The following MEGF11 variants were observed in gnomAD, a reference collection of about 807,000 sequenced individuals.
MEGF11 encodes multiple epidermal growth factor-like domains protein 11.
MEGF11 carries 126 observed loss-of-function variants against 146.6 expected under a neutral mutation model. That is an observed-to-expected ratio of 0.86 (90% CI 0.74 to 1.00). The LOEUF (loss-of-function observed/expected upper bound fraction) is 1.00, where lower values mean the gene tolerates loss of function less well. MEGF11 is among the 50% of genes least tolerant of loss of function. The pLI, the probability that MEGF11 is intolerant of heterozygous loss-of-function variation, is 0.00. For synonymous variants in MEGF11, 532 were observed against 583.4 expected, an observed-to-expected ratio of 0.91 and a Z score of 1.27; for missense variants, 1,509 against 1,521.2, an observed-to-expected ratio of 0.99 and a Z score of 0.13.
intron 5 of MEGF11, among the ~76,000 whole-genome samples, chr15:66,012,922 A>G (rs1299140337): frequency 6.6e-6 from 1 of 152,268 alleles, no homozygotes; most frequent in East Asian, 1.9e-4. Context: ...AGGGCCAGCC[A>G]GCTGGACCGG....
At chr15:65,992,450 T>TGTGTGGA (rs776847440) in intron 5 of MEGF11, among the ~76,000 whole-genome samples, 1 of 126,554 alleles carries the variant, frequency 7.9e-6, no homozygotes, top group African/African-American at 3.1e-5. Flanking sequence ...TGTGTGTGTG[T>TGTGTGGA]GGGGGGGGGG....
intron 1 of MEGF11, among the ~76,000 whole-genome samples, chr15:66,177,223 CTT>C (rs1306169761): frequency 3.3e-5 from 5 of 152,252 alleles, no homozygotes; most frequent in East Asian, 1.9e-4. Flanking sequence ...AAGAAAATAA[CTT>C]TGCTCTGATA....
chr15:66,054,396 T>A (rs1429687338), intron 5 of MEGF11, among the ~76,000 whole-genome samples: 2 of 152,192 alleles, frequency 1.3e-5, no homozygotes, highest in African/African-American at 4.8e-5. Flanking sequence ...CATCTCCACC[T>A]GCCCCCACAG....
intron 1 of MEGF11, among the ~76,000 whole-genome samples, chr15:66,148,449 C>T (rs1286484461): frequency 1.3e-5 from 2 of 152,052 alleles, no homozygotes; most frequent in Non-Finnish European, 2.9e-5. Context: ...CTCCCACTGG[C>T]TGAGATGAGG....
chr15:65,908,451 T>A (rs2078695663), intron 23 of MEGF11, among the ~76,000 whole-genome samples: 1 of 152,186 alleles, frequency 6.6e-6, no homozygotes, highest in Non-Finnish European at 1.5e-5. Context: ...TTTCCAAGTC[T>A]CTTGTGTGTG....
chr15:65,973,320 C>T (rs554366250), intron 7 of MEGF11, among the ~76,000 whole-genome samples: 48 of 152,206 alleles, frequency 3.2e-4, no homozygotes, highest in African/African-American at 1.1e-3. Context: ...AAGAAACTTG[C>T]CTCAAAAACA....
intron 5 of MEGF11, among the ~76,000 whole-genome samples, chr15:65,988,443 A>G (rs187235055): frequency 4.3e-4 from 66 of 152,296 alleles, no homozygotes; most frequent in African/African-American, 1.5e-3. Flanking sequence ...CTGTATCAGG[A>G]CTTCATTCCT....
chr15:66,214,534 A>T (rs1042401659), intron 1 of MEGF11, among the ~76,000 whole-genome samples: 12 of 152,142 alleles, frequency 7.9e-5, no homozygotes, highest in African/African-American at 2.7e-4. Flanking sequence ...GACACAGCAG[A>T]AGAAGAAGGG....
Position 65,896,345 on chromosome 15 carries a change from CATTT to C in MEGF11, c.*1585_*1588del. On this transcript the variant is annotated 3_prime_UTR_variant, in exon 26 of 26. Coordinates refer to ENST00000395614, the MANE Select transcript of MEGF11 (RefSeq NM_001385028.1). ...GTGATGTGGGAAGGGGAGATGTACT[CATTT>C]ATTTATTTTTTTGCTTTTTCTGATT... The C allele has an allele frequency of 6.6e-6, 1 of 152,600 alleles. No individual in the cohort carries two copies. Among genetic ancestry groups the C allele is most frequent in the Non-Finnish European group, 1.5e-5 (1 of 68,046 alleles). The allele number at this position is 152,600 out of a possible 1,614,324, so 9.5% of individuals were successfully genotyped here.
intron 1 of MEGF11, among the ~76,000 whole-genome samples, chr15:66,240,266 C>T (rs771202946): frequency 6.6e-6 from 1 of 152,214 alleles, no homozygotes; most frequent in Admixed American, 6.5e-5. Context: ...GAGATCTTGC[C>T]AACCCTGGAA....
Position 66,024,631 on chromosome 15 carries a change from A to G in MEGF11, c.395-42143T>C, listed in dbSNP as rs1403312468. On this transcript the variant is annotated intron_variant, in intron 5 of 25. Coordinates refer to ENST00000395614, the MANE Select transcript of MEGF11 (RefSeq NM_001385028.1). ...CTGGTGGTGTTGCCCCATCTTGCAG[A>G]TGTGAAAACTGGCTCAGAGAGGTGA... Among the ~76,000 whole-genome samples, 4 of 152,310 alleles carry G rather than the reference A, an allele frequency of 2.6e-5. No homozygotes were observed. The East Asian group carries it at 7.7e-4, about 29-fold the overall frequency.
At chr15:65,942,973 G>GTTT (rs2080056462) in intron 10 of MEGF11, among the ~76,000 whole-genome samples, 1 of 90,930 alleles carries the variant, frequency 1.1e-5, no homozygotes, top group Non-Finnish European at 2.3e-5. Flanking sequence ...AAACAACTTG[G>GTTT]CTTTTTTTTT....
At chr15:66,076,534 A>G (rs1377528097) in intron 5 of MEGF11, among the ~76,000 whole-genome samples, 1 of 152,166 alleles carries the variant, frequency 6.6e-6, no homozygotes, top group Non-Finnish European at 1.5e-5. Flanking sequence ...CAGTTCTGCC[A>G]CTGCCTCTGT....
At chr15:66,245,650 T>A (rs991146794) in intron 1 of MEGF11, among the ~76,000 whole-genome samples, 2 of 151,874 alleles carry the variant, frequency 1.3e-5, no homozygotes, top group African/African-American at 2.4e-5. Flanking sequence ...CCAAAACCAA[T>A]GCTTCAGTGT....
chr15:66,169,378 A>G (rs148495429), intron 1 of MEGF11, among the ~76,000 whole-genome samples: 149 of 152,262 alleles, frequency 9.8e-4, no homozygotes, highest in African/African-American at 3.2e-3. Context: ...GACTCGAGAG[A>G]CTTGGCCGGG....
chr15:66,159,063 T>C (rs776809994), intron 1 of MEGF11, among the ~76,000 whole-genome samples: 5 of 152,232 alleles, frequency 3.3e-5, no homozygotes, highest in South Asian at 2.1e-4. Flanking sequence ...TCCACGTTCC[T>C]GAACTTAGCT....
intron 1 of MEGF11, among the ~76,000 whole-genome samples, chr15:66,213,732 T>C (rs1444717369): frequency 6.6e-6 from 1 of 151,960 alleles, no homozygotes; most frequent in Non-Finnish European, 1.5e-5. Context: ...TTGTTTATTT[T>C]ATTTATTTTT....
intron 5 of MEGF11, among the ~76,000 whole-genome samples, chr15:66,030,174 C>T (rs996680810): frequency 2.6e-5 from 4 of 152,186 alleles, no homozygotes; most frequent in African/African-American, 9.7e-5. Flanking sequence ...ACAGGCCACA[C>T]GTCTGCAACT....
intron 1 of MEGF11, among the ~76,000 whole-genome samples, chr15:66,160,376 T>C (rs2089910313): frequency 6.7e-6 from 1 of 149,290 alleles, no homozygotes; most frequent in Non-Finnish European, 1.5e-5. Context: ...AACAGGAGAG[T>C]CAAAGGAGAT....
Sources: gnomAD v4.1 joint callset for allele counts (sites outside exome capture counted in the v4.1 genomes callset) on GRCh38, gnomAD v4.1.1 for gene constraint, MANE v1.5 for transcripts, NCBI Gene and HGNC (gene_info 2026-07-23, HGNC 2026-07-21) for gene names.